WNT8B: variants seen among roughly 807,000 people sequenced by gnomAD.
WNT8B encodes Wnt family member 8B.
A neutral mutation model predicts 36.6 loss-of-function variants in WNT8B; 24 were observed. The observed-to-expected ratio is 0.66, with a 90% CI of 0.48 to 0.92. The LOEUF is 0.92. WNT8B is among the 40% of genes least tolerant of loss of function. The pLI, the probability that WNT8B is intolerant of heterozygous loss-of-function variation, is 0.00. For synonymous variants in WNT8B, 199 were observed against 189.8 expected (o/e 1.05, Z -0.40); for missense variants, 402 against 470.8 (o/e 0.85, Z 1.35).
chr10:100,477,773 A>AGTTTTTTTTTT (rs148292383), intron 1 of WNT8B, among the ~76,000 whole-genome samples: 12 of 144,158 alleles, frequency 8.3e-5, no homozygotes, highest in Admixed American at 1.3e-4. Flanking sequence ...GTTCATTTTT[A>AGTTTTTTTTTT]GTTTTTTTTT....
In WNT8B at chr10:100,482,334, C is replaced by A. The variant is rs1851125998; in HGVS notation, c.574C>A (p.Gln192Lys). 4.4e-6 allele frequency: 7 copies of A among 1,603,274 alleles called. 1 individual carries two copies. In the East Asian group the frequency reaches 1.6e-4, roughly 36 times the overall value. Residue 192 changes from glutamine (Q) to lysine (K), a missense_variant, in exon 6 of 6, where the codon CAG becomes AAG. Around this residue, in one of 3 missense-constraint regions of WNT8B, gnomAD observed 256 missense variants for 278.6 expected, o/e 0.92. Transcript: ENST00000343737. This position sits in a 1 kb window ranked among gnomAD's most constrained non-coding sequence, Gnocchi z 6.6. ...CHGVSGSCTTQTCWLQLPEFR... is the reference protein window; with the variant it reads ...CHGVSGSCTTKTCWLQLPEFR... Reference sequence around the variant, plus strand: ...CGGCGTGTCTGGCAGCTGCACCACGCAGACCTGTTGGCTGCAGCTGCCCGA... The same window carrying A: ...CGGCGTGTCTGGCAGCTGCACCACGAAGACCTGTTGGCTGCAGCTGCCCGA...
In WNT8B at chr10:100,482,960, GC is replaced by G; in HGVS notation, c.*146del. The stretch of plus-strand genomic sequence containing the variant: ...AGAGACTGCAATTTCTCCAAAGCTT[GC>G]CACTTTCCAGCCTGTTTCCCCAATT... On this transcript the variant is annotated 3_prime_UTR_variant, in exon 6 of 6. Coordinates refer to ENST00000343737, the MANE Select transcript of WNT8B (RefSeq NM_003393.4). This position sits in a 1 kb window ranked among gnomAD's most constrained non-coding sequence, Gnocchi z 6.6. 1.0e-6 allele frequency: 1 copy of G among 976,704 alleles called. No individual in the cohort carries two copies. The highest frequency in any genetic ancestry group is 1.4e-6 in the Non-Finnish European group (1 of 695,376). 60.5% of individuals were successfully genotyped at this position (976,704 alleles called of 1,614,324 possible). A position where few individuals can be genotyped will look rare whatever the true frequency, so the allele number is the denominator to read the frequency against.
rs773651833 is a variant in WNT8B at position 100,463,178 on chromosome 10, T to C, written c.10T>C (p.Ser4Pro). 33 of 1,613,860 alleles carry C rather than the reference T, an allele frequency of 2.0e-5. No individual in the cohort carries two copies. The highest frequency in any genetic ancestry group is 1.4e-4 in the South Asian group (13 of 91,050). ...GTTACTCCAGAGGATTATGTTTCTT[T>C]CAAAGCCTTCTGTGTACATCTGTCT... The part of the protein sequence containing the change: MFL[S>P]KPSVYICLFT... Residue 4 changes from serine (S) to proline (P), a missense_variant, in exon 1 of 6, where the codon TCA (serine) becomes CCA (proline). Ser to Pro is a moderately conservative substitution (Grantham distance 74, BLOSUM62 -1). This residue lies in a region of WNT8B where 131 missense variants were observed against 152.6 expected (regional missense o/e 0.86). Coordinates refer to ENST00000343737, the MANE Select transcript of WNT8B (RefSeq NM_003393.4).
intron 1 of WNT8B, among the ~76,000 whole-genome samples, chr10:100,476,314 T>C (rs1383101800): frequency 1.3e-5 from 2 of 151,434 alleles, no homozygotes; most frequent in African/African-American, 4.9e-5. Context: ...AAAAAAAAAA[T>C]AGGCCTTAGT....
chr10:100,481,793 C>G, intron 4 of WNT8B, 119 bp from the exon 5 acceptor site: 1 of 1,411,722 alleles, frequency 7.1e-7, no homozygotes, highest in Non-Finnish European at 9.5e-7. Context: ...AGGGCACTCG[C>G]CCAACCTTAA....
chr10:100,475,634 GTCAC>G (rs1471817191), intron 1 of WNT8B, among the ~76,000 whole-genome samples: 5 of 152,190 alleles, frequency 3.3e-5, no homozygotes, highest in Admixed American at 3.3e-4. Context: ...CATTTTCTTT[GTCAC>G]TCAATTTGCT....
intron 1 of WNT8B, among the ~76,000 whole-genome samples, chr10:100,474,753 C>G (rs557379297): frequency 1.3e-5 from 2 of 151,974 alleles, no homozygotes; most frequent in African/African-American, 4.8e-5. Flanking sequence ...TTAGTAGAGA[C>G]GGGGTTTCAC....
chr10:100,477,775 T>G (rs552764094), intron 1 of WNT8B, among the ~76,000 whole-genome samples: 2 of 144,202 alleles, frequency 1.4e-5, no homozygotes, highest in East Asian at 2.0e-4. Flanking sequence ...TCATTTTTAG[T>G]TTTTTTTTGT....
At chr10:100,471,655 C>G (rs1850978751) in intron 1 of WNT8B, among the ~76,000 whole-genome samples, 1 of 152,338 alleles carries the variant, frequency 6.6e-6, no homozygotes. Flanking sequence ...CAGAAAAGCA[C>G]AGCAGGTAGA....
In WNT8B at chr10:100,463,208, A is replaced by G. The variant is rs1177706609; in HGVS notation, c.40A>G (p.Thr14Ala). 1 of 1,613,812 alleles carries G rather than the reference A, an allele frequency of 6.2e-7. No individual in the cohort carries two copies. The highest frequency in any genetic ancestry group is 8.5e-7 in the Non-Finnish European group (1 of 1,179,886). The change falls in exon 1 of 6, where the codon ACC (threonine) becomes GCC (alanine). Residue 14 changes from threonine to alanine, a missense_variant. Thr to Ala is a moderately conservative substitution (Grantham distance 58). Transcript: ENST00000343737. ...SKPSVYICLF[T>A]CVLQLSHSWS... ...GCCTTCTGTGTACATCTGTCTTTTC[A>G]CCTGTGTCCTCCAACTCAGCCACAG...
intron 4 of WNT8B, 144 bp downstream of exon 4, chr10:100,481,267 C>A: frequency 8.4e-7 from 1 of 1,189,266 alleles, no homozygotes; most frequent in East Asian, 2.7e-5. Context: ...TGATCCCAAG[C>A]CCTACAATGA....
chr10:100,482,678 G>T lies in WNT8B; in HGVS notation c.918G>T (p.Val306=), dbSNP rs368803739. 1 of 1,609,756 alleles carries T rather than the reference G, an allele frequency of 6.2e-7. No homozygotes were observed. Among genetic ancestry groups the T allele is most frequent in the East Asian group, 2.2e-5 (1 of 44,866 alleles). Residue 306 remains valine, a synonymous_variant, in exon 6 of 6, where the codon GTG becomes GTT. Transcript: ENST00000343737. The surrounding 1 kb of genome is among the most constrained non-coding windows in gnomAD (Gnocchi z 6.6). ...LAVEERRAET[V]SSCNCKFHWC... ...TGGAGGAGCGCCGGGCCGAGACCGT[G>T]TCCAGCTGCAACTGCAAGTTCCACT...
At chr10:100,480,230 A>T (rs1177092970) in intron 3 of WNT8B, among the ~76,000 whole-genome samples, 1 of 152,052 alleles carries the variant, frequency 6.6e-6, no homozygotes, top group African/African-American at 2.4e-5. Context: ...CAACAAATGG[A>T]TCTTGCCTTA....
rs34357304 is a variant in WNT8B, at chr10:100,477,942, A to ATTT, written c.69-1094_69-1092dup. On this transcript the variant is annotated intron_variant, in intron 1 of 5. Coordinates refer to ENST00000343737, the MANE Select transcript of WNT8B (RefSeq NM_003393.4). ...CAGGCGCATACCACCATGCCTAGCT[A>ATTT]TTTTTTTTTTTTTTTTTTAGTAGAG... Among the ~76,000 whole-genome samples, 199 of 126,692 alleles carry ATTT rather than the reference A, an allele frequency of 1.6e-3. 1 individual carries two copies. The highest frequency in any genetic ancestry group is 5.1e-3 in the African/African-American group (176 of 34,192). 83.1% of individuals were successfully genotyped at this position (126,692 alleles called of 152,430 possible). A position where few individuals can be genotyped will look rare whatever the true frequency, so the allele number is the denominator to read the frequency against.
chr10:100,480,604 G>A (rs1165305481), intron 3 of WNT8B, among the ~76,000 whole-genome samples: 1 of 152,164 alleles, frequency 6.6e-6, no homozygotes, highest in African/African-American at 2.4e-5. Context: ...TGTGTCAACA[G>A]TACCCTAGCC....
intron 1 of WNT8B, among the ~76,000 whole-genome samples, chr10:100,464,289 A>G (rs1589721715): frequency 6.6e-6 from 1 of 152,232 alleles, no homozygotes; most frequent in East Asian, 1.9e-4. Context: ...AATAATTTGC[A>G]ACATTTCTGA....
chr10:100,472,149 C>T (rs550336677), intron 1 of WNT8B, among the ~76,000 whole-genome samples: 5 of 148,910 alleles, frequency 3.4e-5, no homozygotes, highest in South Asian at 2.2e-4. Context: ...CTTGCTCTGT[C>T]GCCCAGGCTG....
Position 100,482,769 on chromosome 10 carries a change from G to C in WNT8B, c.1009G>C (p.Glu337Gln). The C allele has an allele frequency of 6.3e-7, 1 of 1,588,420 alleles. No individual in the cohort carries two copies. Reference sequence around the variant, plus strand: ...CACCAAGTACTTCTGTAGCCGCGCAGAGCGGCCGCGGGGGGGCGCTGCGCA... The same window carrying C: ...CACCAAGTACTTCTGTAGCCGCGCACAGCGGCCGCGGGGGGGCGCTGCGCA... ...RVTKYFCSRA[E>Q]RPRGGAAHKP... is the part of the protein sequence containing the mutation. The change falls in exon 6 of 6, where the codon GAG becomes CAG. Residue 337 changes from glutamate (E) to glutamine (Q), a missense_variant. Glu to Gln is a conservative substitution (Grantham distance 29). Transcript: ENST00000343737. The surrounding 1 kb of genome is among the most constrained non-coding windows in gnomAD (Gnocchi z 6.6).
At chr10:100,475,672 A>G (rs1179668161) in intron 1 of WNT8B, among the ~76,000 whole-genome samples, 1 of 152,156 alleles carries the variant, frequency 6.6e-6, no homozygotes, top group African/African-American at 2.4e-5. Context: ...TTCTTTCCTG[A>G]TAATTTCTGT....
Sources: gnomAD v4.1 joint callset for allele counts (sites outside exome capture counted in the v4.1 genomes callset) on GRCh38, gnomAD v4.1.1 for gene constraint, gnomAD v4.1.1 regional missense constraint, Gnocchi (gnomAD v3.1) non-coding constraint, MANE v1.5 for transcripts, NCBI Gene and HGNC (gene_info 2026-07-23, HGNC 2026-07-21) for gene names.